PTPRG: variants seen among roughly 807,000 people sequenced by gnomAD.
PTPRG encodes the protein protein tyrosine phosphatase receptor type G, also known as receptor-type tyrosine-protein phosphatase gamma.
PTPRG carries 102 observed loss-of-function variants against 165.3 expected under a neutral mutation model. The observed-to-expected ratio is 0.62, with a 90% CI of 0.53 to 0.73. The LOEUF (loss-of-function observed/expected upper bound fraction) is 0.73. PTPRG is among the 30% of genes least tolerant of loss of function. PTPRG has a pLI of 0.00. For missense variants in PTPRG, 1,866 were observed against 1,861.4 expected (o/e 1.00, Z -0.05); for synonymous variants, 675 against 669.5 (o/e 1.01, Z -0.13).
intron 1 of PTPRG, among the ~76,000 whole-genome samples, chr3:61,720,801 A>C (rs925624070): frequency 2.0e-5 from 3 of 152,226 alleles, no homozygotes; most frequent in Non-Finnish European, 4.4e-5. Flanking sequence ...TTGATGGATT[A>C]ATCCCCGCCA....
At chr3:62,076,741 C>G (rs1324739637) in intron 4 of PTPRG, among the ~76,000 whole-genome samples, 1 of 151,392 alleles carries the variant, frequency 6.6e-6, no homozygotes, top group African/African-American at 2.5e-5. Context: ...ACCACCATGC[C>G]TGGCTAATTT....
chr3:62,172,565 C>T (rs1705255852), intron 8 of PTPRG, among the ~76,000 whole-genome samples: 1 of 150,008 alleles, frequency 6.7e-6, no homozygotes, highest in African/African-American at 2.5e-5. Flanking sequence ...CCAAATGTTC[C>T]TCCTTTTTTT....
chr3:61,643,577 G>C (rs1009866122), intron 1 of PTPRG, among the ~76,000 whole-genome samples: 8 of 152,068 alleles, frequency 5.3e-5, no homozygotes, highest in African/African-American at 1.9e-4. Context: ...TCAGGAGTTC[G>C]AGACCAGCCT....
intron 5 of PTPRG, among the ~76,000 whole-genome samples, chr3:62,108,211 A>G (rs1334651292): frequency 6.7e-6 from 1 of 150,286 alleles, no homozygotes; most frequent in Non-Finnish European, 1.5e-5. Context: ...CCACCCCGCA[A>G]CAGGCCCCGG....
At chr3:62,181,619 C>T (rs1210810239) in intron 8 of PTPRG, among the ~76,000 whole-genome samples, 1 of 152,140 alleles carries the variant, frequency 6.6e-6, no homozygotes, top group Non-Finnish European at 1.5e-5. Flanking sequence ...TGCCTTAGTG[C>T]TAGATGGGTT....
At position 62,245,379 on chromosome 3, in the gene PTPRG, G is replaced by T. The variant is rs1344024996; in HGVS notation, c.2467+1481G>T. 6.6e-6 allele frequency among the ~76,000 whole-genome samples: 1 copy of T among 152,162 alleles called. No individual in the cohort carries two copies. Among genetic ancestry groups the T allele is most frequent in the Non-Finnish European group, 1.5e-5 (1 of 68,026 alleles). ...TCCTCTTGCTTTACCTACAATATGT[G>T]TTGACCACTGGAAAATTCCTGGCAG... is the stretch of plus-strand genomic sequence containing the variant. On this transcript the variant is annotated intron_variant, in intron 15 of 29. Transcript: ENST00000474889. The surrounding 1 kb of genome is among the most constrained non-coding windows in gnomAD (Gnocchi z 4.2).
At chr3:62,199,731 T>C (rs6805070) in intron 10 of PTPRG, among the ~76,000 whole-genome samples, 13,139 of 152,250 alleles carry the variant, frequency 0.086, 1,069 homozygotes, top group African/African-American at 0.21. Context: ...GGAAGCAGCT[T>C]TTCAGTTTAT....
intron 19 of PTPRG, among the ~76,000 whole-genome samples, chr3:62,268,240 T>G (rs181957267): frequency 7.8e-4 from 119 of 152,124 alleles, no homozygotes; most frequent in African/African-American, 2.7e-3. Context: ...CTACTAATAG[T>G]TAAGATTGGG....
chr3:61,959,482 C>T (rs187002264), intron 2 of PTPRG, among the ~76,000 whole-genome samples: 113 of 152,280 alleles, frequency 7.4e-4, no homozygotes, highest in African/African-American at 2.7e-3. Context: ...CAATAGGGTT[C>T]GCTCTCCTAT....
At chr3:62,108,802 T>C (rs1324751355) in intron 5 of PTPRG, among the ~76,000 whole-genome samples, 1 of 152,234 alleles carries the variant, frequency 6.6e-6, no homozygotes, top group Non-Finnish European at 1.5e-5. Flanking sequence ...CCAGTGATGA[T>C]GAGCTTTTTT....
In PTPRG at chr3:62,233,190, G is replaced by A. The variant is rs1700944627; in HGVS notation, c.2375+1879G>A. 6.6e-6 allele frequency among the ~76,000 whole-genome samples: 1 copy of A among 152,148 alleles called. No homozygotes were observed. The highest frequency in any genetic ancestry group is 1.5e-5 in the Non-Finnish European group (1 of 68,024). On this transcript the variant is annotated intron_variant, in intron 14 of 29. Transcript: ENST00000474889. The surrounding 1 kb of genome is among the most constrained non-coding windows in gnomAD (Gnocchi z 4.7). ...TCCACTGCAGCGGCGTGAATCCTGA[G>A]CAGTACCCCCTCTCACAGCTACATG...
At chr3:61,659,907 G>A (rs1474175847) in intron 1 of PTPRG, among the ~76,000 whole-genome samples, 1 of 152,122 alleles carries the variant, frequency 6.6e-6, no homozygotes, top group Non-Finnish European at 1.5e-5. Context: ...TGGCTATGGT[G>A]GAAACTTTGA....
Position 62,213,672 on chromosome 3 carries a change from C to T in PTPRG, c.2156-5179C>T, listed in dbSNP as rs994400590. On this transcript the variant is annotated intron_variant, in intron 12 of 29. Transcript: ENST00000474889. This position sits in a 1 kb window ranked among gnomAD's most constrained non-coding sequence, Gnocchi z 4.4. Reference sequence around the variant, plus strand: ...GTGCAGAATTGCCCATCTTGTGGCACGCTGCAGCTGTTGTACCGAAAGGCC... The same window carrying T: ...GTGCAGAATTGCCCATCTTGTGGCATGCTGCAGCTGTTGTACCGAAAGGCC... 2.6e-5 allele frequency among the ~76,000 whole-genome samples: 4 copies of T among 152,076 alleles called. No individual in the cohort carries two copies. The highest frequency in any genetic ancestry group is 5.9e-5 in the Non-Finnish European group (4 of 68,010).
intron 1 of PTPRG, among the ~76,000 whole-genome samples, chr3:61,575,160 G>C (rs1021858734): frequency 6.6e-6 from 1 of 152,210 alleles, no homozygotes; most frequent in African/African-American, 2.4e-5. Flanking sequence ...TGCTAGTGAA[G>C]TTTCTTAACT....
At chr3:61,872,104 C>T (rs1362046720) in intron 2 of PTPRG, among the ~76,000 whole-genome samples, 1 of 152,172 alleles carries the variant, frequency 6.6e-6, no homozygotes, top group Admixed American at 6.5e-5. Context: ...TTCAAAATGT[C>T]TTGTTATGGA....
intron 1 of PTPRG, among the ~76,000 whole-genome samples, chr3:61,688,876 C>T (rs1050146315): frequency 2.0e-5 from 3 of 152,180 alleles, no homozygotes; most frequent in Non-Finnish European, 4.4e-5. Context: ...CCTTGGCTGA[C>T]TTGCCATATT....
chr3:61,812,278 C>CCATTCATT (rs71782952), intron 2 of PTPRG, among the ~76,000 whole-genome samples: 62 of 144,762 alleles, frequency 4.3e-4, no homozygotes, highest in Non-Finnish European at 7.1e-4. Flanking sequence ...GTGGTCCTGA[C>CCATTCATT]CATTCATTCA....
In PTPRG at chr3:62,085,712, CT is replaced by C. The variant is rs1458027357; in HGVS notation, c.615+7457del. Reference sequence around the variant, plus strand: ...CTATGTTTTTCTGCCTCTTTCCCCCCTTTCTCCTTCAGATTTTCTAAGCAAA... The same window carrying C: ...CTATGTTTTTCTGCCTCTTTCCCCCCTTCTCCTTCAGATTTTCTAAGCAAA... On this transcript the variant is annotated intron_variant, in intron 5 of 29. Transcript: ENST00000474889. Among the ~76,000 whole-genome samples, 4 of 152,290 alleles carry C rather than the reference CT, an allele frequency of 2.6e-5. No individual in the cohort carries two copies. In the East Asian group the frequency reaches 7.7e-4, roughly 29 times the overall value.
At chr3:61,761,094 A>G (rs1450636619) in intron 2 of PTPRG, among the ~76,000 whole-genome samples, 2 of 152,182 alleles carry the variant, frequency 1.3e-5, no homozygotes, top group African/African-American at 4.8e-5. Context: ...AGAATGATTT[A>G]TATTCCTTTG....
Sources: gnomAD v4.1 joint callset for allele counts (sites outside exome capture counted in the v4.1 genomes callset) on GRCh38, gnomAD v4.1.1 for gene constraint, Gnocchi (gnomAD v3.1) non-coding constraint, MANE v1.5 for transcripts, NCBI Gene and HGNC (gene_info 2026-07-23, HGNC 2026-07-21) for gene names.